SLC12A1: variants seen among roughly 807,000 people sequenced by gnomAD.
The protein encoded by SLC12A1 is Na-K-2Cl cotransporter.
SLC12A1 carries 89 observed loss-of-function variants against 130.4 expected under a neutral mutation model. The ratio of observed to expected loss-of-function variants is 0.68; its 90% CI spans 0.58 to 0.81. The LOEUF is 0.81. Among genes scored for constraint, SLC12A1 ranks in the 40% least tolerant of loss-of-function variants. The pLI, the probability that SLC12A1 is intolerant of heterozygous loss-of-function variation, is 0.00. For missense variants in SLC12A1, 1,310 were observed against 1,336.4 expected (o/e 0.98, Z 0.31); for synonymous variants, 499 against 460.0 (o/e 1.08, Z -1.09).
chr15:48,247,494 A>C (rs757949156), intron 13 of SLC12A1, 34 bp downstream of exon 13: 139 of 1,509,522 alleles, frequency 9.2e-5, no homozygotes, highest in Non-Finnish European at 1.2e-4. Context: ...ATTGAAAACC[A>C]AAGAATTCTT....
chr15:48,261,607 A>C (rs1485245296), intron 17 of SLC12A1, among the ~76,000 whole-genome samples: 1 of 152,250 alleles, frequency 6.6e-6, no homozygotes, highest in Non-Finnish European at 1.5e-5. Context: ...CTCTAGGCTC[A>C]GTCGTCAATC....
chr15:48,213,565 G>A (rs1010120655), intron 2 of SLC12A1, among the ~76,000 whole-genome samples: 5 of 149,050 alleles, frequency 3.4e-5, no homozygotes, highest in Non-Finnish European at 7.4e-5. Flanking sequence ...GTGCCGCGGC[G>A]CAATCTTGGC....
intron 9 of SLC12A1, among the ~76,000 whole-genome samples, chr15:48,237,843 CT>C (rs1274805773): frequency 6.6e-6 from 1 of 152,014 alleles, no homozygotes; most frequent in East Asian, 1.9e-4. Flanking sequence ...CTGCTAACAG[CT>C]TGTGGAGGGT....
chr15:48,288,346 C>A, intron 22 of SLC12A1, 59 bp from the exon 23 acceptor site: 1 of 1,078,696 alleles, frequency 9.3e-7, no homozygotes, highest in Non-Finnish European at 1.4e-6. Context: ...AGATATAAAG[C>A]TATTCATTTC....
intron 15 of SLC12A1, among the ~76,000 whole-genome samples, chr15:48,254,502 G>T (rs1440405782): frequency 7.0e-6 from 1 of 142,890 alleles, no homozygotes; most frequent in Non-Finnish European, 1.5e-5. Flanking sequence ...AGGAGAATAG[G>T]TTCTGTTTGT....
At chr15:48,298,808 C>T (rs75815083) in intron 24 of SLC12A1, among the ~76,000 whole-genome samples, 21 of 152,344 alleles carry the variant, frequency 1.4e-4, no homozygotes, top group African/African-American at 4.8e-4. Context: ...TTCGACTACA[C>T]TATGCAGAAA....
Position 48,303,179 on chromosome 15 carries a change from A to C in SLC12A1, c.*294A>C. ...TGGCTTATGCTCATGAAAACCACCAATGTGATTGTAAACTTCTCCAGACAA... is the reference window on the plus strand; with the variant it reads ...TGGCTTATGCTCATGAAAACCACCACTGTGATTGTAAACTTCTCCAGACAA... On this transcript the variant is annotated 3_prime_UTR_variant, in exon 27 of 27. Transcript: ENST00000380993. 9.4e-6 allele frequency: 2 copies of C among 212,468 alleles called. No homozygotes were observed. Among genetic ancestry groups the C allele is most frequent in the East Asian group, 1.1e-4 (1 of 9,426 alleles). 13.2% of individuals were successfully genotyped at this position (212,468 alleles called of 1,614,324 possible). A position where few individuals can be genotyped will look rare whatever the true frequency, so the allele number is the denominator to read the frequency against.
chr15:48,226,680 C>A, intron 5 of SLC12A1, 109 bp downstream of exon 5: 2 of 724,778 alleles, frequency 2.8e-6, no homozygotes, highest in Non-Finnish European at 4.8e-6. Context: ...GTTCTTGAAG[C>A]CTGGCTATTT....
chr15:48,294,741 A>G (rs2042157372), intron 24 of SLC12A1, among the ~76,000 whole-genome samples: 1 of 152,208 alleles, frequency 6.6e-6, no homozygotes, highest in African/African-American at 2.4e-5. Context: ...ATTCCTTAGT[A>G]CATGCCACTT....
At chr15:48,221,833 A>G (rs1051919203) in intron 4 of SLC12A1, among the ~76,000 whole-genome samples, 1 of 152,224 alleles carries the variant, frequency 6.6e-6, no homozygotes, top group African/African-American at 2.4e-5. Context: ...TAGTCTCAGG[A>G]ATATGGAAGT....
chr15:48,251,807 C>G, intron 15 of SLC12A1, 37 bp downstream of exon 15: 1 of 1,576,282 alleles, frequency 6.3e-7, no homozygotes, highest in Non-Finnish European at 8.7e-7. Flanking sequence ...GTTTCCAAAT[C>G]TCTCTCTAAC....
chr15:48,235,083 A>G (rs1474903380), intron 9 of SLC12A1, 79 bp downstream of exon 9: 1 of 1,358,620 alleles, frequency 7.4e-7, no homozygotes, highest in Non-Finnish European at 1.0e-6. Flanking sequence ...GAGAGGTTAG[A>G]TGTGACCATA....
intron 7 of SLC12A1, among the ~76,000 whole-genome samples, chr15:48,231,989 C>T (rs772803485): frequency 9.2e-5 from 14 of 151,996 alleles, no homozygotes; most frequent in African/African-American, 2.2e-4. Flanking sequence ...CCAGCCTGGG[C>T]GACAGAGTGA....
At chr15:48,238,146 A>T (rs1477088997) in intron 9 of SLC12A1, among the ~76,000 whole-genome samples, 1 of 152,252 alleles carries the variant, frequency 6.6e-6, no homozygotes, top group Non-Finnish European at 1.5e-5. Flanking sequence ...GCCTTCTGAT[A>T]TTCTCACATC....
intron 2 of SLC12A1, among the ~76,000 whole-genome samples, chr15:48,209,472 T>C (rs2041026077): frequency 6.6e-6 from 1 of 152,236 alleles, no homozygotes; most frequent in South Asian, 2.1e-4. Context: ...TAAATATCAT[T>C]CTTTATAAAA....
At chr15:48,228,941 C>A in intron 5 of SLC12A1, 1 of 341,796 alleles carries the variant, frequency 2.9e-6, no homozygotes, top group Non-Finnish European at 5.2e-6. Context: ...TTTTTTGTAG[C>A]TTTTTTACAT....
intron 17 of SLC12A1, among the ~76,000 whole-genome samples, chr15:48,263,307 C>T (rs1266892101): frequency 6.6e-6 from 1 of 152,172 alleles, no homozygotes; most frequent in Non-Finnish European, 1.5e-5. Context: ...AAACACGCCA[C>T]TTACCTCTTT....
At chr15:48,288,197 CT>C in intron 22 of SLC12A1, 23 bp downstream of exon 22, 1 of 1,599,558 alleles carries the variant, frequency 6.3e-7, no homozygotes, top group Non-Finnish European at 8.5e-7. Flanking sequence ...AGAAAATACA[CT>C]AGGGACAAGA....
At chr15:48,267,072 C>T (rs554474751) in intron 17 of SLC12A1, among the ~76,000 whole-genome samples, 1 of 152,304 alleles carries the variant, frequency 6.6e-6, no homozygotes, top group East Asian at 1.9e-4. Flanking sequence ...AGCAACGCAT[C>T]AGCCAAATAG....
Sources: allele counts gnomAD v4.1 joint callset (sites outside exome capture counted in the v4.1 genomes callset), GRCh38; gene constraint gnomAD v4.1.1; transcripts MANE v1.5; gene names NCBI Gene and HGNC (gene_info 2026-07-23, HGNC 2026-07-21).